PCDH9: variants seen among roughly 807,000 people sequenced by gnomAD.
PCDH9 encodes the protein protocadherin 9.
In PCDH9, 24 loss-of-function variants were observed where a neutral mutation model predicts 70.6. That is an observed-to-expected ratio of 0.34 (90% confidence interval 0.25 to 0.48). The LOEUF (loss-of-function observed/expected upper bound fraction) is 0.48, where lower values mean the gene tolerates loss of function less well. Ranked by LOEUF, PCDH9 falls within the 20% of genes least tolerant of loss-of-function variation. The pLI, the probability that PCDH9 is intolerant of heterozygous loss-of-function variation, is 0.99. For missense variants in PCDH9, 1,281 were observed against 1,503.6 expected, an observed-to-expected ratio of 0.85 and a Z score of 2.45; for synonymous variants, 562 against 558.5, an observed-to-expected ratio of 1.01 and a Z score of -0.09.
rs372418260 is a variant in PCDH9 at position 66,443,017 on chromosome 13, T to A, written c.3341-137989A>T. 4.6e-5 allele frequency among the ~76,000 whole-genome samples: 7 copies of A among 152,308 alleles called. No homozygotes were observed. In the East Asian group the frequency reaches 7.7e-4, roughly 17 times the overall value. On this transcript the variant is annotated intron_variant, in intron 4 of 4. Transcript: ENST00000377865. ...TTCAACAGGGCAAGCCAAAAATACA[T>A]GGCACAAGTGCCAATTGAAGCCTGG... is the stretch of plus-strand genomic sequence containing the variant.
At chr13:67,043,054 G>A (rs1408020350) in intron 2 of PCDH9, among the ~76,000 whole-genome samples, 1 of 152,054 alleles carries the variant, frequency 6.6e-6, no homozygotes, top group Non-Finnish European at 1.5e-5. Flanking sequence ...AGTATAATTG[G>A]GACATGAGAT....
At chr13:67,106,780 T>G (rs1212219789) in intron 2 of PCDH9, among the ~76,000 whole-genome samples, 1 of 152,218 alleles carries the variant, frequency 6.6e-6, no homozygotes, top group Non-Finnish European at 1.5e-5. Flanking sequence ...CTCCCACTGC[T>G]TGGCCTTCCC....
intron 4 of PCDH9, among the ~76,000 whole-genome samples, chr13:66,619,440 C>G (rs548874310): frequency 7.8e-4 from 118 of 152,118 alleles, no homozygotes; most frequent in Non-Finnish European, 8.8e-5. Flanking sequence ...TAACAATTTT[C>G]TAGAATTTTA....
intron 3 of PCDH9, among the ~76,000 whole-genome samples, chr13:66,786,838 G>A (rs1202413715): frequency 3.3e-5 from 5 of 151,804 alleles, no homozygotes; most frequent in Non-Finnish European, 5.9e-5. Context: ...TAAACTTCAA[G>A]GAAAAGAAAG....
At chr13:66,516,332 A>C (rs1959733852) in intron 4 of PCDH9, among the ~76,000 whole-genome samples, 1 of 152,052 alleles carries the variant, frequency 6.6e-6, no homozygotes, top group Non-Finnish European at 1.5e-5. Context: ...CAATATTTCT[A>C]ATACTATCAA....
chr13:66,573,975 G>A (rs1486819386), intron 4 of PCDH9, among the ~76,000 whole-genome samples: 1 of 151,806 alleles, frequency 6.6e-6, no homozygotes, highest in African/African-American at 2.4e-5. Context: ...TCCATAGTAG[G>A]TCCATAAAAT....
At chr13:66,317,651 T>C (rs961182116) in intron 4 of PCDH9, among the ~76,000 whole-genome samples, 7 of 152,296 alleles carry the variant, frequency 4.6e-5, no homozygotes, top group African/African-American at 1.7e-4. Flanking sequence ...GTAATTATTC[T>C]GAGACAGAGC....
At chr13:66,772,978 G>A (rs929313998) in intron 3 of PCDH9, among the ~76,000 whole-genome samples, 2 of 151,794 alleles carry the variant, frequency 1.3e-5, no homozygotes, top group African/African-American at 4.8e-5. Flanking sequence ...AAAGATACCA[G>A]CGACACTCTT....
chr13:67,168,528 G>A (rs1239981049), intron 2 of PCDH9, among the ~76,000 whole-genome samples: 1 of 151,896 alleles, frequency 6.6e-6, no homozygotes, highest in South Asian at 2.1e-4. Context: ...GGAGTTCAAC[G>A]CCAGCCTGGG....
At chr13:66,487,301 T>C (rs1172289403) in intron 4 of PCDH9, among the ~76,000 whole-genome samples, 1 of 152,162 alleles carries the variant, frequency 6.6e-6, no homozygotes, top group Non-Finnish European at 1.5e-5. Flanking sequence ...AATATATAGG[T>C]GACATGCAAT....
intron 3 of PCDH9, among the ~76,000 whole-genome samples, chr13:66,647,221 A>C (rs2138980208): frequency 6.6e-6 from 1 of 152,282 alleles, no homozygotes; most frequent in South Asian, 2.1e-4. Flanking sequence ...CAGGGTTTCC[A>C]AGGAAATGCT....
intron 2 of PCDH9, among the ~76,000 whole-genome samples, chr13:67,052,700 GA>G (rs2085345034): frequency 6.6e-6 from 1 of 152,056 alleles, no homozygotes; most frequent in African/African-American, 2.4e-5. Flanking sequence ...TTAGGGAAGT[GA>G]GATTTTTATA....
At chr13:66,351,612 T>C (rs1360896719) in intron 4 of PCDH9, among the ~76,000 whole-genome samples, 1 of 152,192 alleles carries the variant, frequency 6.6e-6, no homozygotes, top group Non-Finnish European at 1.5e-5. Context: ...TCATGTTACC[T>C]TATTTAAGTT....
At chr13:66,746,917 C>A (rs1409637144) in intron 3 of PCDH9, among the ~76,000 whole-genome samples, 1 of 151,856 alleles carries the variant, frequency 6.6e-6, no homozygotes, top group Non-Finnish European at 1.5e-5. Flanking sequence ...AATGTGAATA[C>A]CCCTATCCCC....
intron 4 of PCDH9, among the ~76,000 whole-genome samples, chr13:66,509,028 C>A (rs1959331876): frequency 6.6e-6 from 1 of 152,002 alleles, no homozygotes; most frequent in Non-Finnish European, 1.5e-5. Flanking sequence ...ATGAAGCCTC[C>A]TGTGGAAAAA....
intron 3 of PCDH9, among the ~76,000 whole-genome samples, chr13:66,857,061 T>A (rs893318706): frequency 3.9e-5 from 6 of 152,124 alleles, no homozygotes; most frequent in Non-Finnish European, 8.8e-5. Flanking sequence ...AAAATAATTC[T>A]GTATTATTTT....
At chr13:66,878,659 C>T (rs1057396844) in intron 3 of PCDH9, among the ~76,000 whole-genome samples, 2 of 152,136 alleles carry the variant, frequency 1.3e-5, no homozygotes, top group African/African-American at 4.8e-5. Flanking sequence ...CATCTTTGGA[C>T]TTGAAAGTGG....
intron 2 of PCDH9, chr13:67,222,118 A>G (rs2089739137): frequency 6.6e-6 from 1 of 152,180 alleles, no homozygotes; most frequent in African/African-American, 2.4e-5. Context: ...TTAAAACAAT[A>G]TCTGTCAACA....
intron 4 of PCDH9, among the ~76,000 whole-genome samples, chr13:66,523,175 C>T (rs559805279): frequency 6.6e-6 from 1 of 152,086 alleles, no homozygotes; most frequent in Admixed American, 6.6e-5. Context: ...TGAATCATTA[C>T]CTTTGTGTGA....
Sources: gnomAD v4.1 joint callset for allele counts (sites outside exome capture counted in the v4.1 genomes callset) on GRCh38, gnomAD v4.1.1 for gene constraint, MANE v1.5 for transcripts, NCBI Gene and HGNC (gene_info 2026-07-23, HGNC 2026-07-21) for gene names.